Variants in LRP1B observed in about 807,000 individuals in gnomAD.
LRP1B encodes the protein low-density lipoprotein receptor-related protein 1B.
In LRP1B, 217 loss-of-function variants were observed where a neutral mutation model predicts 556.6. That is an observed-to-expected ratio of 0.39 (90% CI 0.35 to 0.44). The LOEUF is 0.44. LRP1B is among the 20% of genes least tolerant of loss of function. LRP1B has a pLI of 1.00. For synonymous variants in LRP1B, 2,047 were observed against 1,865.8 expected, an observed-to-expected ratio of 1.10 and a Z score of -2.50; for missense variants, 5,053 against 5,620.8, an observed-to-expected ratio of 0.90 and a Z score of 3.23.
rs112590079 is a variant in LRP1B at position 141,254,779 on chromosome 2, T to G, written c.344-138A>C. On this transcript the variant is annotated intron_variant, in intron 3 of 90. Coordinates refer to ENST00000389484, the MANE Select transcript of LRP1B (RefSeq NM_018557.3). ...ATATGATTGGTCTAGAAAAAAATAT[T>G]TACCTAAAATATGTTAGTTTACATT... 8.2e-5 allele frequency: 46 copies of G among 563,926 alleles called. 1 individual carries two copies. Among genetic ancestry groups the G allele is most frequent in the African/African-American group, 6.7e-4 (34 of 50,858 alleles). The allele number at this position is 563,926 out of a possible 1,614,324, so 34.9% of individuals were successfully genotyped here.
intron 41 of LRP1B, among the ~76,000 whole-genome samples, chr2:140,645,957 T>C (rs1684468756): frequency 6.6e-6 from 1 of 152,122 alleles, no homozygotes; most frequent in Non-Finnish European, 1.5e-5. Context: ...TTATTATAGT[T>C]TCTTGTATTA....
chr2:140,776,339 T>A, intron 32 of LRP1B, 101 bp from the exon 33 acceptor site: 1 of 758,088 alleles, frequency 1.3e-6, no homozygotes, highest in African/African-American at 1.8e-5. Context: ...TCTTTTGTTA[T>A]ATTTCCAAAC....
chr2:140,440,889 C>T (rs139884898), intron 66 of LRP1B, among the ~76,000 whole-genome samples: 189 of 152,122 alleles, frequency 1.2e-3, no homozygotes, highest in African/African-American at 4.4e-3. Flanking sequence ...ATGCTATATC[C>T]ACAGAGGTTC....
intron 84 of LRP1B, among the ~76,000 whole-genome samples, chr2:140,284,309 A>C (rs200457490): frequency 0.12 from 3,643 of 29,908 alleles, 29 homozygotes; most frequent in Admixed American, 0.17. Context: ...CCTCCCCCCC[A>C]AAAAAAAACC....
chr2:142,115,359 C>A, intron 1 of LRP1B, among the ~76,000 whole-genome samples: 1 of 146,850 alleles, frequency 6.8e-6, no homozygotes, highest in African/African-American at 2.5e-5. Context: ...GAAAGAGCTC[C>A]CAGTGGCCAA....
intron 84 of LRP1B, among the ~76,000 whole-genome samples, chr2:140,277,085 CT>C (rs149217039): frequency 4.7e-5 from 7 of 150,356 alleles, no homozygotes; most frequent in African/African-American, 1.5e-4. Context: ...TTTTGAAGCG[CT>C]TTTTTTTTAT....
At chr2:141,662,532 T>C (rs755613677) in intron 2 of LRP1B, among the ~76,000 whole-genome samples, 16 of 152,140 alleles carry the variant, frequency 1.1e-4, no homozygotes, top group Non-Finnish European at 1.9e-4. Context: ...GCTGCAATCC[T>C]AGTTTCTGAC....
intron 43 of LRP1B, among the ~76,000 whole-genome samples, chr2:140,582,957 T>G (rs531276792): frequency 6.6e-6 from 1 of 152,250 alleles, no homozygotes; most frequent in East Asian, 1.9e-4. Flanking sequence ...TCCCCATTTG[T>G]GCTCAGTCCC....
chr2:140,263,097 T>C (rs1048207330), intron 86 of LRP1B, among the ~76,000 whole-genome samples: 4 of 152,146 alleles, frequency 2.6e-5, no homozygotes, highest in South Asian at 2.1e-4. Flanking sequence ...TTAATTTTGG[T>C]AGAGATGGAC....
At chr2:140,900,503 G>T (rs139649795) in intron 23 of LRP1B, among the ~76,000 whole-genome samples, 1 of 152,052 alleles carries the variant, frequency 6.6e-6, no homozygotes, top group African/African-American at 2.4e-5. Context: ...TATGCTCTGG[G>T]ACTCAAATTT....
chr2:141,628,701 T>A (rs1688793541), intron 2 of LRP1B, among the ~76,000 whole-genome samples: 1 of 151,414 alleles, frequency 6.6e-6, no homozygotes, highest in South Asian at 2.1e-4. Context: ...CAGGCTGGAG[T>A]ACAGTGGCAC....
rs536417997 is a variant in LRP1B at position 141,457,015 on chromosome 2, T to C, written c.343+23381A>G. On this transcript the variant is annotated intron_variant, in intron 3 of 90. Transcript: ENST00000389484. ...ATGGCTTTTCTGACTGAATGGATTA[T>C]AGATTGGAATGAGTTAGATCAGGTG... Among the ~76,000 whole-genome samples the C allele has an allele frequency of 6.6e-5, 10 of 152,334 alleles. No individual in the cohort carries two copies. In the South Asian group the frequency reaches 1.2e-3, roughly 19 times the overall value.
At chr2:141,394,474 A>T (rs940172101) in intron 3 of LRP1B, among the ~76,000 whole-genome samples, 8 of 151,910 alleles carry the variant, frequency 5.3e-5, no homozygotes, top group East Asian at 1.9e-4. Context: ...GAAATATGTT[A>T]AAAAAAATCT....
chr2:140,542,004 T>G, intron 43 of LRP1B, 33 bp from the exon 44 acceptor site: 1 of 1,494,580 alleles, frequency 6.7e-7, no homozygotes, highest in South Asian at 1.2e-5. Flanking sequence ...ATTTTTATGA[T>G]GAATATATAG....
intron 2 of LRP1B, among the ~76,000 whole-genome samples, chr2:141,517,037 A>G (rs1684345654): frequency 6.8e-6 from 1 of 147,102 alleles, no homozygotes; most frequent in Non-Finnish European, 1.5e-5. Context: ...AAAAAAGTAA[A>G]TCAATGAAAT....
chr2:141,071,373 T>C (rs973378600), intron 7 of LRP1B, among the ~76,000 whole-genome samples: 4 of 151,738 alleles, frequency 2.6e-5, no homozygotes, highest in African/African-American at 9.7e-5. Context: ...ATAAGAGCTA[T>C]CTATGACAAA....
At chr2:141,253,166 G>A (rs968016199) in intron 4 of LRP1B, among the ~76,000 whole-genome samples, 2 of 152,140 alleles carry the variant, frequency 1.3e-5, no homozygotes, top group African/African-American at 4.8e-5. Flanking sequence ...GAAGTGGAAA[G>A]AGCACGAATG....
At chr2:140,428,537 C>T (rs13021091) in intron 66 of LRP1B, among the ~76,000 whole-genome samples, 14,926 of 152,146 alleles carry the variant, frequency 0.098, 894 homozygotes, top group Non-Finnish European at 0.12. Flanking sequence ...CTGGCAGCCA[C>T]TCCCAGAGGC....
In LRP1B at chr2:141,496,249, C is replaced by T. The variant is rs79152420; in HGVS notation, c.206-15716G>A. On this transcript the variant is annotated intron_variant, in intron 2 of 90. Coordinates refer to ENST00000389484, the MANE Select transcript of LRP1B (RefSeq NM_018557.3). Reference sequence around the variant, plus strand: ...TGTCATAATAAACATTTGGTAAATGCCACATTCAGAGCCATACTATGCACT... The same window carrying T: ...TGTCATAATAAACATTTGGTAAATGTCACATTCAGAGCCATACTATGCACT... 3.2e-3 allele frequency among the ~76,000 whole-genome samples: 493 copies of T among 151,912 alleles called. 8 individuals are homozygous for T. The East Asian group carries it at 0.055, about 17-fold the overall frequency.
Sources: allele counts gnomAD v4.1 joint callset (sites outside exome capture counted in the v4.1 genomes callset), GRCh38; gene constraint gnomAD v4.1.1; transcripts MANE v1.5; gene names NCBI Gene and HGNC (gene_info 2026-07-23, HGNC 2026-07-21).